Variants in PIP5K1B observed in about 807,000 individuals in gnomAD.
PIP5K1B encodes the protein phosphatidylinositol 4-phosphate 5-kinase type-1 beta.
Under a neutral mutation model 67.0 loss-of-function variants are expected in PIP5K1B, and 42 were observed. The observed-to-expected ratio is 0.63, with a 90% CI of 0.49 to 0.81. The LOEUF (loss-of-function observed/expected upper bound fraction) is 0.81. PIP5K1B is among the 30% of genes least tolerant of loss of function. PIP5K1B has a pLI of 0.00. For missense variants in PIP5K1B, 459 were observed against 646.3 expected, an observed-to-expected ratio of 0.71 and a Z score of 3.14; for synonymous variants, 214 against 231.4, an observed-to-expected ratio of 0.92 and a Z score of 0.68.
At chr9:68,865,299 C>T (rs1196363012) in intron 5 of PIP5K1B, among the ~76,000 whole-genome samples, 1 of 136,856 alleles carries the variant, frequency 7.3e-6, no homozygotes, top group Non-Finnish European at 1.6e-5. Context: ...CCTACCATTC[C>T]AAAAAAAAAA....
chr9:68,912,113 GA>G (rs891340856), intron 8 of PIP5K1B, among the ~76,000 whole-genome samples: 1 of 152,064 alleles, frequency 6.6e-6, no homozygotes, highest in African/African-American at 2.4e-5. Flanking sequence ...CTGGACTGCT[GA>G]AATACCCCCC....
intron 4 of PIP5K1B, among the ~76,000 whole-genome samples, chr9:68,857,930 C>T (rs948861592): frequency 6.7e-6 from 1 of 149,884 alleles, no homozygotes; most frequent in Non-Finnish European, 1.5e-5. Flanking sequence ...CCTTCCCATA[C>T]ACCCATATAA....
intron 4 of PIP5K1B, among the ~76,000 whole-genome samples, chr9:68,825,740 G>C (rs776950854): frequency 1.4e-4 from 22 of 152,164 alleles, no homozygotes; most frequent in Non-Finnish European, 2.8e-4. Flanking sequence ...TGGAGTGGGA[G>C]AGGCAAGACA....
chr9:68,893,665 G>A (rs765794958), intron 7 of PIP5K1B, among the ~76,000 whole-genome samples: 22 of 151,972 alleles, frequency 1.4e-4, no homozygotes, highest in Non-Finnish European at 2.1e-4. Flanking sequence ...AAAGACAACA[G>A]ACTAGAAGAA....
chr9:68,822,753 C>G, intron 4 of PIP5K1B, 70 bp downstream of exon 4: 2 of 1,038,474 alleles, frequency 1.9e-6, no homozygotes, highest in African/African-American at 1.6e-5. Flanking sequence ...TTATCAAAGG[C>G]CTTTCCTTCT....
In PIP5K1B at chr9:68,919,560, T is replaced by A; in HGVS notation, c.1065T>A (p.Tyr355Ter). Residue 355 changes from tyrosine to a stop codon, truncating the protein, a stop_gained and splice_region_variant, in exon 10 of 16, where the codon TAT becomes TAA. Coordinates refer to ENST00000265382, the MANE Select transcript of PIP5K1B (RefSeq NM_003558.4). LOFTEE classifies it high-confidence loss of function. ...GCATTATTGACATTCTGCAATCATA[T>A]AGGTAAGAAGTTTGAGGAGTGGTCT... ...FMGIIDILQSYRLMKKLEHSW... is the reference protein window; with the variant it reads ...FMGIIDILQS 1 of 1,567,678 alleles carries A rather than the reference T, an allele frequency of 6.4e-7. No individual in the cohort carries two copies. The highest frequency in any genetic ancestry group is 1.4e-5 in the African/African-American group (1 of 73,810).
chr9:68,909,972 G>T (rs1427740583), intron 8 of PIP5K1B, among the ~76,000 whole-genome samples: 1 of 152,100 alleles, frequency 6.6e-6, no homozygotes, highest in East Asian at 1.9e-4. Flanking sequence ...GTATTGAATG[G>T]GTTAATTTCC....
In PIP5K1B at chr9:68,792,465, G is replaced by GTTTGT. The variant is rs200493402; in HGVS notation, c.-85-25994_-85-25993insTGTTT. Among the ~76,000 whole-genome samples the GTTTGT allele has an allele frequency of 1.4e-3, 154 of 110,974 alleles. 1 individual carries two copies. The highest frequency in any genetic ancestry group is 5.1e-3 in the African/African-American group (142 of 27,672). The allele number at this position is 110,974 out of a possible 152,430, so 72.8% of individuals were successfully genotyped here. A position where few individuals can be genotyped will look rare whatever the true frequency, so the allele number is the denominator to read the frequency against. On this transcript the variant is annotated intron_variant, in intron 2 of 15. Coordinates refer to ENST00000265382, the MANE Select transcript of PIP5K1B (RefSeq NM_003558.4). The stretch of plus-strand genomic sequence containing the variant: ...ACTGTGGCACATGTGTTTTTTTGTT[G>GTTTGT]TTGTTTGTTTGTTTGTTTGTTTGTT...
intron 2 of PIP5K1B, among the ~76,000 whole-genome samples, chr9:68,759,300 T>C (rs1232625772): frequency 1.3e-5 from 2 of 152,150 alleles, no homozygotes; most frequent in East Asian, 1.9e-4. Context: ...ATGACAACTA[T>C]AGCATAAAGC....
intron 8 of PIP5K1B, among the ~76,000 whole-genome samples, chr9:68,900,982 C>T (rs1291290819): frequency 6.6e-6 from 1 of 152,108 alleles, no homozygotes; most frequent in East Asian, 1.9e-4. Context: ...TATTGCTTAC[C>T]ATTCAGCTAT....
chr9:68,747,609 C>G (rs1261845120), intron 2 of PIP5K1B, among the ~76,000 whole-genome samples: 1 of 152,054 alleles, frequency 6.6e-6, no homozygotes, highest in Non-Finnish European at 1.5e-5. Flanking sequence ...CTAGAAATTA[C>G]TATAAATTTT....
In PIP5K1B at chr9:68,983,435, C is replaced by T. The variant is rs558298622; in HGVS notation, c.1503-7705C>T. On this transcript the variant is annotated intron_variant, in intron 14 of 15. Coordinates refer to ENST00000265382, the MANE Select transcript of PIP5K1B (RefSeq NM_003558.4). ...GTTTGGAGTTGGCTTCTGCTACTCA[C>T]TTCCTATCTTTTTTCTGTGTGTGTG... Among the ~76,000 whole-genome samples, 3 of 152,196 alleles carry T rather than the reference C, an allele frequency of 2.0e-5. No individual in the cohort carries two copies. The South Asian group carries it at 6.2e-4, about 32-fold the overall frequency.
At chr9:68,988,080 T>C (rs547205436) in intron 14 of PIP5K1B, among the ~76,000 whole-genome samples, 1 of 152,150 alleles carries the variant, frequency 6.6e-6, no homozygotes, top group South Asian at 2.1e-4. Flanking sequence ...ACTGATGGGC[T>C]TATGGGTAAA....
intron 2 of PIP5K1B, among the ~76,000 whole-genome samples, chr9:68,753,454 C>T (rs1383996964): frequency 6.7e-6 from 1 of 150,374 alleles, no homozygotes; most frequent in African/African-American, 2.4e-5. Flanking sequence ...ATTCTCCTGC[C>T]GCAGCCTCCC....
chr9:68,886,762 A>G (rs1005992682), intron 6 of PIP5K1B, among the ~76,000 whole-genome samples: 1 of 152,174 alleles, frequency 6.6e-6, no homozygotes, highest in Non-Finnish European at 1.5e-5. Flanking sequence ...TTGTCCTTCT[A>G]CGGTGGTTTC....
At chr9:68,761,039 GGA>G (rs143971905) in intron 2 of PIP5K1B, among the ~76,000 whole-genome samples, 2 of 151,546 alleles carry the variant, frequency 1.3e-5, no homozygotes, top group African/African-American at 2.4e-5. Context: ...GAGAATAATT[GGA>G]GAGAGAGAGA....
intron 6 of PIP5K1B, among the ~76,000 whole-genome samples, chr9:68,884,877 A>C (rs1044202754): frequency 6.6e-6 from 1 of 152,208 alleles, no homozygotes; most frequent in African/African-American, 2.4e-5. Flanking sequence ...AAATTCATAC[A>C]ACCATTTTGG....
intron 8 of PIP5K1B, among the ~76,000 whole-genome samples, chr9:68,909,076 T>C (rs1415234804): frequency 6.6e-6 from 1 of 152,216 alleles, no homozygotes; most frequent in Non-Finnish European, 1.5e-5. Context: ...TGTTTTTTTC[T>C]CTGCCATCTC....
intron 4 of PIP5K1B, among the ~76,000 whole-genome samples, chr9:68,831,886 A>G (rs1272155757): frequency 1.3e-5 from 2 of 152,146 alleles, no homozygotes; most frequent in Non-Finnish European, 2.9e-5. Context: ...CATGTTGTCC[A>G]GCCTGGTCTC....
Sources: allele counts gnomAD v4.1 joint callset (sites outside exome capture counted in the v4.1 genomes callset), GRCh38; gene constraint gnomAD v4.1.1; transcripts MANE v1.5; gene names NCBI Gene and HGNC (gene_info 2026-07-23, HGNC 2026-07-21).